The following THRB variants were observed in gnomAD, a reference collection of about 807,000 sequenced individuals.
The protein encoded by THRB is nuclear receptor subfamily 1 group A member 2.
THRB carries 12 observed loss-of-function variants against 47.8 expected under a neutral mutation model. The ratio of observed to expected loss-of-function variants is 0.25; its 90% CI spans 0.16 to 0.41. The LOEUF is 0.41. THRB is among the 10% of genes least tolerant of loss of function. The probability of loss-of-function intolerance (pLI) is 1.00; values close to 1 mark genes in which losing one functional copy is unlikely to be tolerated. For missense variants in THRB, 348 were observed against 589.2 expected (o/e 0.59, Z 4.24); for synonymous variants, 218 against 212.2 (o/e 1.03, Z -0.24).
chr3:24,245,848 G>C (rs1011972587), intron 3 of THRB, among the ~76,000 whole-genome samples: 3 of 152,192 alleles, frequency 2.0e-5, no homozygotes, highest in Middle Eastern at 3.2e-3. Context: ...GGGAGGCAGA[G>C]GTTGCAGTGA....
At chr3:24,253,121 A>G (rs2050832814) in intron 3 of THRB, among the ~76,000 whole-genome samples, 1 of 152,246 alleles carries the variant, frequency 6.6e-6, no homozygotes, top group African/African-American at 2.4e-5. Context: ...CTCAGAGATA[A>G]TGTACGTTTT....
chr3:24,310,959 C>CTT (rs2057716460), intron 2 of THRB, among the ~76,000 whole-genome samples: 1 of 152,104 alleles, frequency 6.6e-6, no homozygotes, highest in South Asian at 2.1e-4. Context: ...ATTTCAGAAG[C>CTT]CTTCAACTAA....
At chr3:24,395,244 C>G (rs959605095) in intron 1 of THRB, among the ~76,000 whole-genome samples, 1 of 152,020 alleles carries the variant, frequency 6.6e-6, no homozygotes, top group African/African-American at 2.4e-5. Context: ...ACCAGAAGCA[C>G]AAGCAACAAA....
chr3:24,262,803 C>T (rs1446763699), intron 3 of THRB, among the ~76,000 whole-genome samples: 1 of 152,148 alleles, frequency 6.6e-6, no homozygotes, highest in Non-Finnish European at 1.5e-5. Context: ...CCTATTTTCC[C>T]CTACCCCCTA....
At chr3:24,147,770 T>C (rs2036296540) in intron 6 of THRB, among the ~76,000 whole-genome samples, 1 of 152,232 alleles carries the variant, frequency 6.6e-6, no homozygotes, top group Admixed American at 6.5e-5. Context: ...TATCCTTCTA[T>C]CTTCCCTACA....
intron 1 of THRB, among the ~76,000 whole-genome samples, chr3:24,371,235 G>A (rs2064882839): frequency 6.6e-6 from 1 of 152,102 alleles, no homozygotes; most frequent in Admixed American, 6.6e-5. Context: ...AAAGGTATAG[G>A]TTTGTCCTTT....
intron 4 of THRB, among the ~76,000 whole-genome samples, chr3:24,214,057 A>G (rs1272163307): frequency 2.6e-5 from 4 of 152,222 alleles, no homozygotes; most frequent in South Asian, 2.1e-4. Flanking sequence ...GAATACTGAC[A>G]TAAGTAATGA....
At chr3:24,466,757 T>C (rs2074189278) in intron 1 of THRB, among the ~76,000 whole-genome samples, 1 of 152,218 alleles carries the variant, frequency 6.6e-6, no homozygotes, top group Non-Finnish European at 1.5e-5. Flanking sequence ...TAAAATATTT[T>C]ATTGTGAAAA....
chr3:24,480,263 A>G (rs1696166787), intron 1 of THRB, among the ~76,000 whole-genome samples: 1 of 152,198 alleles, frequency 6.6e-6, no homozygotes, highest in African/African-American at 2.4e-5. Flanking sequence ...CATGATCCTC[A>G]GGTTCCTCTG....
chr3:24,304,775 G>A (rs2057220691), intron 2 of THRB, among the ~76,000 whole-genome samples: 1 of 152,076 alleles, frequency 6.6e-6, no homozygotes, highest in Non-Finnish European at 1.5e-5. Context: ...TTATTAATAT[G>A]ATTAAAGGAA....
At chr3:24,321,678 C>G (rs2058495097) in intron 2 of THRB, among the ~76,000 whole-genome samples, 1 of 151,570 alleles carries the variant, frequency 6.6e-6, no homozygotes, top group African/African-American at 2.4e-5. Context: ...ATAAGGTTCC[C>G]CTAAAGAACC....
At chr3:24,455,789 A>AT (rs138352231) in intron 1 of THRB, among the ~76,000 whole-genome samples, 5,991 of 152,220 alleles carry the variant, frequency 0.039, 165 homozygotes, top group South Asian at 0.061. Flanking sequence ...TATAGGATGG[A>AT]TTTTTGCTAC....
At chr3:24,165,379 G>C (rs770411142) in intron 5 of THRB, 7 of 745,178 alleles carry the variant, frequency 9.4e-6, no homozygotes, top group Non-Finnish European at 1.5e-5. Context: ...TCAGTTTCTA[G>C]TTTACATATA....
intron 5 of THRB, among the ~76,000 whole-genome samples, chr3:24,166,753 G>C (rs1426087909): frequency 1.3e-5 from 2 of 152,048 alleles, no homozygotes; most frequent in Admixed American, 1.3e-4. Flanking sequence ...GCTTCCTGCT[G>C]GTCCATGAGC....
intron 1 of THRB, among the ~76,000 whole-genome samples, chr3:24,374,706 G>A (rs1434233426): frequency 6.6e-6 from 1 of 152,028 alleles, no homozygotes; most frequent in East Asian, 1.9e-4. Flanking sequence ...GATATAAAGT[G>A]AGGCTAAAAT....
chr3:24,201,843 C>A (rs1331271824), intron 4 of THRB, among the ~76,000 whole-genome samples: 1 of 151,758 alleles, frequency 6.6e-6, no homozygotes, highest in African/African-American at 2.4e-5. Context: ...TTGTCGGTTT[C>A]TCCTCTAAAG....
intron 1 of THRB, among the ~76,000 whole-genome samples, chr3:24,408,144 T>C (rs1560117749): frequency 6.6e-6 from 1 of 150,820 alleles, no homozygotes; most frequent in Admixed American, 6.6e-5. Context: ...TTTTGATCTA[T>C]AGGGCAGAAA....
chr3:24,250,844 T>A (rs955213874), intron 3 of THRB, among the ~76,000 whole-genome samples: 2 of 152,074 alleles, frequency 1.3e-5, no homozygotes. Context: ...AATACCAGAA[T>A]AACATCACTA....
rs373519438 is a variant in THRB, at chr3:24,479,026, C to T, written c.-261+15626G>A. Among the ~76,000 whole-genome samples, 22 of 152,212 alleles carry T rather than the reference C, an allele frequency of 1.4e-4. No homozygotes were observed. In the South Asian group the frequency reaches 4.2e-3, roughly 29 times the overall value. On this transcript the variant is annotated intron_variant, in intron 1 of 10. Coordinates refer to ENST00000646209, the MANE Select transcript of THRB (RefSeq NM_001354712.2). ...AAATATCCTATAATGCGGCCGGGCG[C>T]GGGGGTTAACGCCTGTAATCCCAGC...
Sources: gnomAD v4.1 joint callset for allele counts (sites outside exome capture counted in the v4.1 genomes callset) on GRCh38, gnomAD v4.1.1 for gene constraint, MANE v1.5 for transcripts, NCBI Gene and HGNC (gene_info 2026-07-23, HGNC 2026-07-21) for gene names.